The following ZMAT4 variants were observed in gnomAD, a reference collection of about 807,000 sequenced individuals.
ZMAT4 encodes the protein zinc finger matrin-type protein 4.
In ZMAT4, 17 loss-of-function variants were observed where a neutral mutation model predicts 28.7. The observed-to-expected ratio is 0.59, with a 90% CI of 0.41 to 0.89. ZMAT4 has a LOEUF of 0.89. Ranked by LOEUF, ZMAT4 falls within the 40% of genes least tolerant of loss-of-function variation. The pLI, the probability that ZMAT4 is intolerant of heterozygous loss-of-function variation, is 0.00. For missense variants in ZMAT4, 240 were observed against 283.8 expected, an observed-to-expected ratio of 0.85 and a Z score of 1.11; for synonymous variants, 117 against 109.2, an observed-to-expected ratio of 1.07 and a Z score of -0.44.
intron 3 of ZMAT4, among the ~76,000 whole-genome samples, chr8:40,751,081 T>C (rs907114197): frequency 6.6e-6 from 1 of 152,202 alleles, no homozygotes; most frequent in African/African-American, 2.4e-5. Context: ...ACAGCCATAA[T>C]GTCTTCCAGA....
At chr8:40,627,785 T>C (rs747429834) in intron 5 of ZMAT4, among the ~76,000 whole-genome samples, 1 of 152,178 alleles carries the variant, frequency 6.6e-6, no homozygotes, top group Non-Finnish European at 1.5e-5. Context: ...CAAATAGGTA[T>C]ATTAATAAGG....
chr8:40,876,495 T>C (rs1818046209), intron 1 of ZMAT4, among the ~76,000 whole-genome samples: 1 of 151,864 alleles, frequency 6.6e-6, no homozygotes, highest in Non-Finnish European at 1.5e-5. Context: ...TAAAACATTT[T>C]TGTAGAGATG....
intron 2 of ZMAT4, among the ~76,000 whole-genome samples, chr8:40,772,968 GGCATCCTGGCAAAACCCCAGGAA>G: frequency 6.6e-6 from 1 of 152,234 alleles, no homozygotes; most frequent in Admixed American, 6.5e-5. Context: ...GAAATGAAAG[GGCATCCTGGCAAAACCCCAGGAA>G]GCATCCCTTC....
At chr8:40,664,339 G>T (rs1399963323) in intron 5 of ZMAT4, among the ~76,000 whole-genome samples, 1 of 152,166 alleles carries the variant, frequency 6.6e-6, no homozygotes, top group Non-Finnish European at 1.5e-5. Flanking sequence ...TGAGTGAGCT[G>T]CCTTTTCTCT....
intron 5 of ZMAT4, among the ~76,000 whole-genome samples, chr8:40,632,466 C>T (rs1466477872): frequency 1.3e-5 from 2 of 152,108 alleles, no homozygotes; most frequent in Non-Finnish European, 1.5e-5. Context: ...AGGATATGTC[C>T]TTTCAGGACC....
intron 5 of ZMAT4, among the ~76,000 whole-genome samples, chr8:40,585,909 G>T (rs751580900): frequency 6.6e-6 from 1 of 152,182 alleles, no homozygotes; most frequent in Non-Finnish European, 1.5e-5. Flanking sequence ...TAGAGGTTCA[G>T]CTTGCAATAG....
chr8:40,574,232 A>C (rs1804189967), intron 6 of ZMAT4, among the ~76,000 whole-genome samples: 1 of 152,174 alleles, frequency 6.6e-6, no homozygotes, highest in Non-Finnish European at 1.5e-5. Flanking sequence ...GTTGGTGTAC[A>C]CTAATATCAG....
intron 6 of ZMAT4, 34 bp downstream of exon 6, chr8:40,581,131 A>G (rs781452612): frequency 1.9e-6 from 3 of 1,567,054 alleles, no homozygotes; most frequent in Non-Finnish European, 2.6e-6. Flanking sequence ...ATTACATCGA[A>G]GAAACTGAAG....
intron 1 of ZMAT4, among the ~76,000 whole-genome samples, chr8:40,886,500 T>C (rs185244777): frequency 1.3e-4 from 20 of 152,280 alleles, no homozygotes; most frequent in African/African-American, 3.8e-4. Context: ...GTCACCTTGG[T>C]GAGTCTTGGT....
At chr8:40,848,667 A>G (rs1043114561) in intron 1 of ZMAT4, among the ~76,000 whole-genome samples, 1 of 152,166 alleles carries the variant, frequency 6.6e-6, no homozygotes, top group African/African-American at 2.4e-5. Context: ...ACATCATCAC[A>G]CTGTTACAAG....
intron 6 of ZMAT4, among the ~76,000 whole-genome samples, chr8:40,562,349 T>C (rs1803774635): frequency 6.6e-6 from 1 of 152,176 alleles, no homozygotes; most frequent in Non-Finnish European, 1.5e-5. Context: ...TATCAGTGGT[T>C]CCTCAGAGTT....
At chr8:40,721,068 A>G (rs1257294165) in intron 3 of ZMAT4, among the ~76,000 whole-genome samples, 8 of 148,298 alleles carry the variant, frequency 5.4e-5, no homozygotes, top group Non-Finnish European at 1.0e-4. Context: ...ATGCTGGTGC[A>G]CTGCACCCAC....
At chr8:40,776,719 G>T (rs1191400471) in intron 2 of ZMAT4, among the ~76,000 whole-genome samples, 1 of 152,184 alleles carries the variant, frequency 6.6e-6, no homozygotes, top group Non-Finnish European at 1.5e-5. Context: ...AGTCAGAGAA[G>T]ACTGGGTAAT....
chr8:40,708,304 A>G (rs77167325), intron 3 of ZMAT4, among the ~76,000 whole-genome samples: 7,000 of 152,204 alleles, frequency 0.046, 310 homozygotes, highest in East Asian at 0.25. Flanking sequence ...ACAGCAGATT[A>G]TAAGAGAGGT....
At chr8:40,853,542 C>A (rs1817189635) in intron 1 of ZMAT4, among the ~76,000 whole-genome samples, 1 of 152,218 alleles carries the variant, frequency 6.6e-6, no homozygotes, top group Admixed American at 6.5e-5. Flanking sequence ...AGTGACAGTG[C>A]AAGACTCCGT....
At chr8:40,668,118 G>GAGGAGCAGCTTCTGCCAACAA (rs1808506592) in intron 5 of ZMAT4, among the ~76,000 whole-genome samples, 1 of 152,120 alleles carries the variant, frequency 6.6e-6, no homozygotes, top group African/African-American at 2.4e-5. Flanking sequence ...TCGATAATAG[G>GAGGAGCAGCTTCTGCCAACAA]AGGAGCAGCT....
intron 6 of ZMAT4, among the ~76,000 whole-genome samples, chr8:40,541,203 G>A (rs559562641): frequency 7.9e-5 from 12 of 152,090 alleles, no homozygotes; most frequent in African/African-American, 9.6e-5. Flanking sequence ...CATGAGCCTC[G>A]GTTTTAGGCT....
At chr8:40,645,015 A>G (rs765103025) in intron 5 of ZMAT4, among the ~76,000 whole-genome samples, 19 of 152,210 alleles carry the variant, frequency 1.2e-4, no homozygotes, top group Non-Finnish European at 2.8e-4. Context: ...GGAGTCTAAA[A>G]ATAGGTGATG....
intron 6 of ZMAT4, among the ~76,000 whole-genome samples, chr8:40,575,397 C>T (rs974311602): frequency 6.6e-6 from 1 of 152,068 alleles, no homozygotes; most frequent in Non-Finnish European, 1.5e-5. Flanking sequence ...AGCTTCATCC[C>T]AAGAGAATCA....
Sources: gnomAD v4.1 joint callset for allele counts (sites outside exome capture counted in the v4.1 genomes callset) on GRCh38, gnomAD v4.1.1 for gene constraint, MANE v1.5 for transcripts, NCBI Gene and HGNC (gene_info 2026-07-23, HGNC 2026-07-21) for gene names.